FAM78B: variants seen among roughly 807,000 people sequenced by gnomAD.
The protein encoded by FAM78B is family with sequence similarity 78 member B, also known as protein FAM78B.
In FAM78B, 10 loss-of-function variants were observed where a neutral mutation model predicts 20.0. The observed-to-expected ratio is 0.50, with a 90% CI of 0.31 to 0.85. The LOEUF is 0.85. FAM78B is among the 40% of genes least tolerant of loss of function. The pLI, the probability that FAM78B is intolerant of heterozygous loss-of-function variation, is 0.05. For missense variants in FAM78B, 283 were observed against 345.0 expected, an observed-to-expected ratio of 0.82 and a Z score of 1.42; for synonymous variants, 135 against 132.8, an observed-to-expected ratio of 1.02 and a Z score of -0.12.
chr1:166,123,719 T>C (rs1389415171), intron 1 of FAM78B, among the ~76,000 whole-genome samples: 1 of 152,282 alleles, frequency 6.6e-6, no homozygotes, highest in African/African-American at 2.4e-5. Context: ...GTTCCTGGGA[T>C]CTCAGGGGTC....
At chr1:166,152,471 A>G (rs1376532646) in intron 1 of FAM78B, among the ~76,000 whole-genome samples, 1 of 152,048 alleles carries the variant, frequency 6.6e-6, no homozygotes, top group African/African-American at 2.4e-5. Flanking sequence ...CTTGATATCC[A>G]GGCCTTTAAG....
chr1:166,153,563 C>G (rs1298927482), intron 1 of FAM78B, among the ~76,000 whole-genome samples: 1 of 152,070 alleles, frequency 6.6e-6, no homozygotes, highest in Admixed American at 6.5e-5. Context: ...GAAGGGTCCA[C>G]ATAGCCCAAG....
At chr1:166,115,021 G>A (rs1654202886) in intron 1 of FAM78B, among the ~76,000 whole-genome samples, 1 of 152,172 alleles carries the variant, frequency 6.6e-6, no homozygotes. Context: ...GTTTTGGGAG[G>A]AGCATGTGGT....
chr1:166,105,596 C>G (rs1363457010), intron 1 of FAM78B, among the ~76,000 whole-genome samples: 1 of 152,168 alleles, frequency 6.6e-6, no homozygotes, highest in Non-Finnish European at 1.5e-5. Context: ...CCAACAGACA[C>G]ATGAAAAAAT....
intron 1 of FAM78B, among the ~76,000 whole-genome samples, chr1:166,128,735 T>C (rs1034758258): frequency 6.6e-6 from 1 of 152,100 alleles, no homozygotes; most frequent in Non-Finnish European, 1.5e-5. Context: ...TGAGAGACAG[T>C]GGGTGAGGCA....
intron 1 of FAM78B, among the ~76,000 whole-genome samples, chr1:166,078,376 C>T (rs1652420510): frequency 6.6e-6 from 1 of 152,164 alleles, no homozygotes; most frequent in South Asian, 2.1e-4. Context: ...TATAACCCTT[C>T]TCCTCACTGT....
Position 166,150,452 on chromosome 1 carries a change from A to G in FAM78B, c.263+15534T>C, listed in dbSNP as rs560665414. Among the ~76,000 whole-genome samples the G allele has an allele frequency of 2.0e-5, 3 of 152,302 alleles. No individual in the cohort carries two copies. The South Asian group carries it at 6.2e-4, about 32-fold the overall frequency. On this transcript the variant is annotated intron_variant, in intron 1 of 1. Transcript: ENST00000354422. Reference sequence around the variant, plus strand: ...ATAGTAAGTAAATCATAATAGACTAAATCTCCTGAAAAACTCCTACATTGC... The same window carrying G: ...ATAGTAAGTAAATCATAATAGACTAGATCTCCTGAAAAACTCCTACATTGC...
intron 1 of FAM78B, among the ~76,000 whole-genome samples, chr1:166,152,589 C>A (rs528110960): frequency 6.6e-6 from 1 of 152,120 alleles, no homozygotes; most frequent in Non-Finnish European, 1.5e-5. Context: ...ATCAATCCCC[C>A]TTTAACCTGT....
At chr1:166,122,958 G>A (rs1388404610) in intron 1 of FAM78B, among the ~76,000 whole-genome samples, 1 of 152,096 alleles carries the variant, frequency 6.6e-6, no homozygotes, top group East Asian at 1.9e-4. Flanking sequence ...CCGGCTGAGA[G>A]CTCCAGGACG....
downstream of FAM78B, among the ~76,000 whole-genome samples, chr1:166,065,070 T>A (rs150331469): frequency 6.6e-6 from 1 of 152,294 alleles, no homozygotes; most frequent in African/African-American, 2.4e-5. Context: ...GACTCCTCAG[T>A]GGAGCTTATT....
chr1:166,061,330 CT>C (rs528388296), intron 2 of FAM78B, among the ~76,000 whole-genome samples: 1 of 151,390 alleles, frequency 6.6e-6, no homozygotes, highest in Non-Finnish European at 1.5e-5. Context: ...GCATCCTTCT[CT>C]TTTTTTTTCT....
At chr1:166,152,249 C>T (rs1048213898) in intron 1 of FAM78B, among the ~76,000 whole-genome samples, 8 of 152,156 alleles carry the variant, frequency 5.3e-5, no homozygotes, top group East Asian at 1.9e-4. Context: ...CAGAGAAGCC[C>T]GTGGTGGTTG....
At chr1:166,065,088 G>A (rs1651749915), downstream of FAM78B, among the ~76,000 whole-genome samples, 1 of 152,180 alleles carries the variant, frequency 6.6e-6, no homozygotes, top group Non-Finnish European at 1.5e-5. Flanking sequence ...ATTCTGTCTG[G>A]TTAAAGTGCA....
At chr1:166,122,937 G>A (rs1654513518) in intron 1 of FAM78B, among the ~76,000 whole-genome samples, 1 of 152,118 alleles carries the variant, frequency 6.6e-6, no homozygotes, top group Non-Finnish European at 1.5e-5. Flanking sequence ...TTTATATGAG[G>A]GAAACGTGGT....
At chr1:166,144,683 C>G (rs1166624979) in intron 1 of FAM78B, among the ~76,000 whole-genome samples, 1 of 152,094 alleles carries the variant, frequency 6.6e-6, no homozygotes, top group Non-Finnish European at 1.5e-5. Flanking sequence ...GTTTATCTCT[C>G]AAACCTCAGC....
chr1:166,115,708 A>T (rs1654228655), intron 1 of FAM78B, among the ~76,000 whole-genome samples: 2 of 152,160 alleles, frequency 1.3e-5, no homozygotes, highest in African/African-American at 4.8e-5. Flanking sequence ...AGGCATTTGG[A>T]GCGGCTGAGG....
intron 1 of FAM78B, among the ~76,000 whole-genome samples, chr1:166,085,169 T>C (rs1222875429): frequency 6.6e-6 from 1 of 152,186 alleles, no homozygotes; most frequent in African/African-American, 2.4e-5. Flanking sequence ...TGTTTTAGCA[T>C]CCCATGGACT....
At chr1:166,133,581 T>C (rs1230577619) in intron 1 of FAM78B, among the ~76,000 whole-genome samples, 1 of 142,864 alleles carries the variant, frequency 7.0e-6, no homozygotes, top group Non-Finnish European at 1.5e-5. Context: ...ATAATATTAA[T>C]CTGTAAAGTT....
chr1:166,145,908 G>A (rs1047335078), intron 1 of FAM78B, among the ~76,000 whole-genome samples: 3 of 152,140 alleles, frequency 2.0e-5, no homozygotes, highest in Non-Finnish European at 1.5e-5. Context: ...AATATATTAA[G>A]GGGTAAGTTA....
Sources: gnomAD v4.1 joint callset for allele counts (sites outside exome capture counted in the v4.1 genomes callset) on GRCh38, gnomAD v4.1.1 for gene constraint, MANE v1.5 for transcripts, NCBI Gene and HGNC (gene_info 2026-07-23, HGNC 2026-07-21) for gene names.